The following NTRK2 variants were observed in gnomAD, a reference collection of about 807,000 sequenced individuals.
NTRK2 encodes neurotrophic receptor tyrosine kinase 2, also known as BDNF/NT-3 growth factors receptor.
Under a neutral mutation model 94.5 loss-of-function variants are expected in NTRK2, and 13 were observed. That is an observed-to-expected ratio of 0.14 (90% CI 0.09 to 0.22). The LOEUF (loss-of-function observed/expected upper bound fraction) is 0.22. NTRK2 is among the 10% of genes least tolerant of loss of function. The pLI, the probability that NTRK2 is intolerant of heterozygous loss-of-function variation, is 1.00. For synonymous variants in NTRK2, 372 were observed against 407.4 expected (o/e 0.91, Z 1.05); for missense variants, 639 against 1,071.2 (o/e 0.60, Z 5.63).
chr9:84,926,102 TTCCTTTCCTTCCTTCCTTCCTTCCTTCC>T (rs1376975013), intron 14 of NTRK2, among the ~76,000 whole-genome samples: 6 of 146,292 alleles, frequency 4.1e-5, no homozygotes, highest in African/African-American at 1.6e-4. Context: ...CCTTCCTTCC[TTCCTTTCCTTCCTTCCTTCCTTCCTTCC>T]TTCCTTCCTT....
intron 14 of NTRK2, among the ~76,000 whole-genome samples, chr9:84,889,031 C>T (rs1348500080): frequency 1.6e-5 from 2 of 127,804 alleles, no homozygotes; most frequent in Non-Finnish European, 3.1e-5. Flanking sequence ...CGCTCTGTCA[C>T]CCAGGCTGGA....
chr9:84,729,106 GC>G (rs113658332), intron 9 of NTRK2, among the ~76,000 whole-genome samples: 3 of 151,916 alleles, frequency 2.0e-5, no homozygotes, highest in Non-Finnish European at 4.4e-5. Flanking sequence ...GGCTCCCAGG[GC>G]CCCCCCACCA....
At position 84,773,618 on chromosome 9, in the gene NTRK2, C is replaced by T. The variant is rs547210262; in HGVS notation, c.1396+21533C>T. On this transcript the variant is annotated intron_variant, in intron 12 of 18. Coordinates refer to ENST00000277120, the MANE Select transcript of NTRK2 (RefSeq NM_006180.6). Reference sequence around the variant, plus strand: ...GGCAAAATGAAAACTATATTTATCACCACTTATGGGGCACGTCTGAAGTTC... The same window carrying T: ...GGCAAAATGAAAACTATATTTATCATCACTTATGGGGCACGTCTGAAGTTC... Among the ~76,000 whole-genome samples the T allele has an allele frequency of 7.2e-5, 11 of 152,236 alleles. No individual in the cohort carries two copies. In the South Asian group the frequency reaches 2.1e-3, roughly 29 times the overall value.
At chr9:84,810,824 C>T (rs1227919238) in intron 12 of NTRK2, 1 of 1,352,776 alleles carries the variant, frequency 7.4e-7, no homozygotes, top group African/African-American at 1.5e-5. Flanking sequence ...CTCAAGAAAA[C>T]ATGTTAAATT....
chr9:84,710,640 C>T lies in NTRK2; in HGVS notation c.432C>T (p.Ile144=). The change falls in exon 6 of 19, where the codon ATC becomes ATT. Residue 144 remains isoleucine (I), a synonymous_variant. Coordinates refer to ENST00000277120, the MANE Select transcript of NTRK2 (RefSeq NM_006180.6). ...HFRHLDLSEL[I]LVGNPFTCSC... ...TTGTCATTTTTGTTCCCTGTAGGATCCTGGTGGGCAATCCATTTACATGCT... is the reference window on the plus strand; with the variant it reads ...TTGTCATTTTTGTTCCCTGTAGGATTCTGGTGGGCAATCCATTTACATGCT... The T allele has an allele frequency of 6.2e-7, 1 of 1,614,120 alleles. No homozygotes were observed. The highest frequency in any genetic ancestry group is 8.5e-7 in the Non-Finnish European group (1 of 1,179,992).
chr9:84,712,758 T>C (rs2131856240), intron 6 of NTRK2, among the ~76,000 whole-genome samples: 1 of 152,350 alleles, frequency 6.6e-6, no homozygotes, highest in South Asian at 2.1e-4. Flanking sequence ...GTCTTTTTCT[T>C]GCCTAACCAT....
At chr9:84,797,325 T>A (rs2069452307) in intron 12 of NTRK2, among the ~76,000 whole-genome samples, 1 of 151,542 alleles carries the variant, frequency 6.6e-6, no homozygotes, top group Non-Finnish European at 1.5e-5. Context: ...AATGAGCAGT[T>A]GTGGCAGAAA....
chr9:84,938,464 C>T (rs1399841073), intron 15 of NTRK2, among the ~76,000 whole-genome samples: 2 of 152,174 alleles, frequency 1.3e-5, no homozygotes, highest in African/African-American at 2.4e-5. Context: ...TTTGCTCCTC[C>T]ATCTAGGTCA....
chr9:84,872,214 AG>A lies in NTRK2; in HGVS notation c.1633+4786del, dbSNP rs1196913300. On this transcript the variant is annotated intron_variant, in intron 14 of 18. Coordinates refer to ENST00000277120, the MANE Select transcript of NTRK2 (RefSeq NM_006180.6). ...CAGTAAAATTTACAAACTCAGCTCAAGGGCAGCTGTGTTGCTTTCCTTTCCT... is the reference window on the plus strand; with the variant it reads ...CAGTAAAATTTACAAACTCAGCTCAAGGCAGCTGTGTTGCTTTCCTTTCCT... The A allele has an allele frequency of 2.6e-6, 3 of 1,145,612 alleles. No homozygotes were observed. In the African/African-American group the frequency reaches 4.6e-5, roughly 18 times the overall value. The allele number at this position is 1,145,612 out of a possible 1,614,324, so 71.0% of individuals were successfully genotyped here.
chr9:84,702,017 A>C (rs2060760543), intron 2 of NTRK2, 142 bp from the exon 3 acceptor site: 1 of 721,402 alleles, frequency 1.4e-6, no homozygotes, highest in East Asian at 2.7e-5. Context: ...GTTTTGCTCT[A>C]CTGCTGTATT....
At chr9:84,915,143 G>GTGA (rs773232843) in intron 14 of NTRK2, among the ~76,000 whole-genome samples, 30 of 152,292 alleles carry the variant, frequency 2.0e-4, no homozygotes, top group Non-Finnish European at 3.1e-4. Flanking sequence ...AGCTCAGGTG[G>GTGA]TGATGCTTAC....
At position 84,992,913 on chromosome 9, in the gene NTRK2, A is replaced by AT. The variant is rs1020331569; in HGVS notation, c.2173-27293_2173-27292insT. On this transcript the variant is annotated intron_variant, in intron 17 of 18. Coordinates refer to ENST00000277120, the MANE Select transcript of NTRK2 (RefSeq NM_006180.6). Reference sequence around the variant, plus strand: ...CAAAGTAAAGAGTTAAGAAAAAAAAAATATATAAATATATTTAATGTATTA... The same window carrying AT: ...CAAAGTAAAGAGTTAAGAAAAAAAAATATATATAAATATATTTAATGTATTA... Among the ~76,000 whole-genome samples the AT allele has an allele frequency of 3.6e-4, 54 of 149,444 alleles. No individual in the cohort carries two copies. In the East Asian group the frequency reaches 6.0e-3, roughly 17 times the overall value.
chr9:84,704,202 A>T (rs2060899648), intron 4 of NTRK2, among the ~76,000 whole-genome samples: 1 of 146,554 alleles, frequency 6.8e-6, no homozygotes. Context: ...ATGTTGATAT[A>T]TGACGGTGAT....
chr9:84,831,443 T>G lies in NTRK2; in HGVS notation c.1397-29597T>G, dbSNP rs181084077. ...GAAAGGGAGAGAGAGAGAGGATCACTGCCTAATAAGAAAAAATTCTAGTTT... is the reference window on the plus strand; with the variant it reads ...GAAAGGGAGAGAGAGAGAGGATCACGGCCTAATAAGAAAAAATTCTAGTTT... On this transcript the variant is annotated intron_variant, in intron 12 of 18. Transcript: ENST00000277120. Among the ~76,000 whole-genome samples the G allele has an allele frequency of 9.2e-5, 14 of 152,310 alleles. No individual in the cohort carries two copies. The East Asian group carries it at 2.7e-3, about 29-fold the overall frequency.
intron 14 of NTRK2, among the ~76,000 whole-genome samples, chr9:84,880,943 A>T (rs889103347): frequency 6.6e-6 from 1 of 152,256 alleles, no homozygotes; most frequent in Non-Finnish European, 1.5e-5. Flanking sequence ...AATAAAATAC[A>T]TTCAAAATAT....
chr9:84,881,866 G>T (rs2076264043), intron 14 of NTRK2, among the ~76,000 whole-genome samples: 1 of 152,160 alleles, frequency 6.6e-6, no homozygotes. Flanking sequence ...TGGGTTTCAG[G>T]TATGCTAAAG....
At chr9:84,787,331 C>CAAACAAACAAAA (rs1412836339) in intron 12 of NTRK2, among the ~76,000 whole-genome samples, 1 of 151,934 alleles carries the variant, frequency 6.6e-6, no homozygotes, top group East Asian at 1.9e-4. Context: ...AACAAACAAA[C>CAAACAAACAAAA]AAACAAACAA....
intron 14 of NTRK2, among the ~76,000 whole-genome samples, chr9:84,868,645 A>T (rs1399730929): frequency 6.6e-6 from 1 of 152,196 alleles, no homozygotes; most frequent in Admixed American, 6.6e-5. Context: ...TTAAGGTATT[A>T]TTAATCTTAA....
At chr9:84,826,045 A>C (rs1291361056) in intron 12 of NTRK2, among the ~76,000 whole-genome samples, 1 of 152,178 alleles carries the variant, frequency 6.6e-6, no homozygotes, top group Non-Finnish European at 1.5e-5. Context: ...ATGAAACTAA[A>C]TTCCACCCCC....
Sources: allele counts gnomAD v4.1 joint callset (sites outside exome capture counted in the v4.1 genomes callset), GRCh38; gene constraint gnomAD v4.1.1; transcripts MANE v1.5; gene names NCBI Gene and HGNC (gene_info 2026-07-23, HGNC 2026-07-21).